MYO10: variants seen among roughly 807,000 people sequenced by gnomAD.
The protein encoded by MYO10 is unconventional myosin-X.
A neutral mutation model predicts 257.3 loss-of-function variants in MYO10; 133 were observed. That is an observed-to-expected ratio of 0.52 (90% CI 0.45 to 0.60). The LOEUF (loss-of-function observed/expected upper bound fraction) is 0.60. Ranked by LOEUF, MYO10 falls within the 20% of genes least tolerant of loss-of-function variation. The pLI is 0.00. For missense variants in MYO10, 2,399 were observed against 2,635.7 expected, an observed-to-expected ratio of 0.91 and a Z score of 1.97; for synonymous variants, 1,104 against 1,028.6, an observed-to-expected ratio of 1.07 and a Z score of -1.40.
chr5:16,777,577 A>G (rs1017548119), intron 9 of MYO10, among the ~76,000 whole-genome samples: 6 of 152,102 alleles, frequency 3.9e-5, no homozygotes, highest in Admixed American at 3.3e-4. Flanking sequence ...GTATTACTGC[A>G]TCGCGGTTTA....
chr5:16,840,538 C>T (rs897028157), intron 2 of MYO10, among the ~76,000 whole-genome samples: 1 of 152,070 alleles, frequency 6.6e-6, no homozygotes, highest in Non-Finnish European at 1.5e-5. Flanking sequence ...TTCTAAGAAG[C>T]CCTTGTGGAA....
Position 16,711,124 on chromosome 5 carries a change from T to C in MYO10, c.2051A>G (p.Lys684Arg). 1.2e-6 allele frequency: 2 copies of C among 1,613,900 alleles called. No homozygotes were observed. Among genetic ancestry groups the C allele is most frequent in the Non-Finnish European group, 1.7e-6 (2 of 1,179,816 alleles). ...ATCCAATTCAGCTCCCTCTTGCCTT[T>C]TGTAAAAGTCCTGAAAGGGTCTTCG... ...AVRRPFQDFYKRYKVLMRNLA... is the reference protein window; with the variant it reads ...AVRRPFQDFYRRYKVLMRNLA... Residue 684 changes from lysine to arginine, a missense_variant, in exon 20 of 41, where the codon AAA becomes AGA. Lys to Arg is a conservative substitution (Grantham distance 26, BLOSUM62 2). This residue lies in a region of MYO10 where 1,820 missense variants were observed against 1,939.4 expected (regional missense o/e 0.94). Transcript: ENST00000513610.
intron 19 of MYO10, among the ~76,000 whole-genome samples, chr5:16,730,071 A>T (rs1739522235): frequency 1.3e-5 from 2 of 152,122 alleles, no homozygotes; most frequent in Admixed American, 1.3e-4. Context: ...CTTTACTCAG[A>T]GATGTATCAC....
At chr5:16,780,821 C>A in intron 6 of MYO10, 80 bp from the exon 7 acceptor site, 11 of 1,358,378 alleles carry the variant, frequency 8.1e-6, no homozygotes, top group Admixed American at 2.3e-5. Flanking sequence ...ATTTTCTATT[C>A]TTTGGTGCTC....
rs138727865 is a variant in MYO10, at chr5:16,880,562, A to T, written c.22-2855T>A. On this transcript the variant is annotated intron_variant, in intron 1 of 40. Coordinates refer to ENST00000513610, the MANE Select transcript of MYO10 (RefSeq NM_012334.3). ...AAAGATGCTCCAAACAGGAGTTTAA[A>T]TCCTCTGCTATAAAGATGGAAAATA... is the stretch of plus-strand genomic sequence containing the variant. Among the ~76,000 whole-genome samples the T allele has an allele frequency of 3.6e-3, 554 of 152,310 alleles. 3 individuals are homozygous for T. Among genetic ancestry groups the T allele is most frequent in the Non-Finnish European group, 6.6e-3 (450 of 68,024 alleles).
At chr5:16,719,989 C>CGTGTGTGTGTGTGTGTGT (rs10526050) in intron 19 of MYO10, among the ~76,000 whole-genome samples, 3 of 143,438 alleles carry the variant, frequency 2.1e-5, no homozygotes, top group Admixed American at 7.0e-5. Flanking sequence ...TGTGTGCGTG[C>CGTGTGTGTGTGTGTGTGT]GTGTGTGTGT....
Position 16,673,723 on chromosome 5 carries a change from A to G in MYO10, c.5131T>C (p.Ser1711Pro). 6.2e-7 allele frequency: 1 copy of G among 1,613,894 alleles called. No individual in the cohort carries two copies. The highest frequency in any genetic ancestry group is 1.1e-5 in the South Asian group (1 of 91,066). Residue 1711 changes from serine to proline, a missense_variant, in exon 36 of 41, where the codon TCC (serine) becomes CCC (proline). Ser to Pro is a moderately conservative substitution (Grantham distance 74). Transcript: ENST00000513610. ...TSTVYCHGGG[S>P]CKITINSHTT... ...TGGGAGTTGATGGTGATCTTGCAGG[A>G]GCCGCCGCCATGGCAATAGACCGTG...
At chr5:16,685,948 T>G (rs1029407762) in intron 28 of MYO10, 117 bp from the exon 29 acceptor site, 3 of 727,812 alleles carry the variant, frequency 4.1e-6, no homozygotes, top group Admixed American at 2.2e-5. Context: ...TGCTTTTAAT[T>G]TGATTACTTC....
intron 2 of MYO10, among the ~76,000 whole-genome samples, chr5:16,868,299 G>A (rs554354065): frequency 5.3e-5 from 8 of 152,238 alleles, no homozygotes; most frequent in Admixed American, 3.9e-4. Flanking sequence ...GCAGAACCAT[G>A]GTGCTTTTAA....
chr5:16,685,271 C>T (rs764459324), intron 29 of MYO10, among the ~76,000 whole-genome samples: 9 of 152,070 alleles, frequency 5.9e-5, no homozygotes, highest in African/African-American at 1.9e-4. Flanking sequence ...AGTTCAGTGG[C>T]GCAATCATAG....
At chr5:16,865,138 G>A (rs1190479582) in intron 2 of MYO10, among the ~76,000 whole-genome samples, 2 of 151,710 alleles carry the variant, frequency 1.3e-5, no homozygotes, top group African/African-American at 2.4e-5. Context: ...ATAACAGATG[G>A]AGCACTATTA....
In MYO10 at chr5:16,701,893, T is replaced by C. The variant is rs941312231; in HGVS notation, c.2557-55A>G. Reference sequence around the variant, plus strand: ...AGGCTTCAGTACAAAAGTCCAAGCATAGCTCCCGCTTTGCAACCAGGATGA... The same window carrying C: ...AGGCTTCAGTACAAAAGTCCAAGCACAGCTCCCGCTTTGCAACCAGGATGA... On this transcript the variant is annotated intron_variant, in intron 24 of 40. Coordinates refer to ENST00000513610, the MANE Select transcript of MYO10 (RefSeq NM_012334.3). This position sits in a 1 kb window ranked among gnomAD's most constrained non-coding sequence, Gnocchi z 8.1. 3 of 1,525,556 alleles carry C rather than the reference T, an allele frequency of 2.0e-6. No homozygotes were observed. Among genetic ancestry groups the C allele is most frequent in the South Asian group, 1.3e-5 (1 of 75,176 alleles). 94.5% of individuals were successfully genotyped at this position (1,525,556 alleles called of 1,614,324 possible). A position where few individuals can be genotyped will look rare whatever the true frequency, so the allele number is the denominator to read the frequency against.
At chr5:16,760,312 A>G (rs1043717736) in intron 17 of MYO10, among the ~76,000 whole-genome samples, 1 of 150,282 alleles carries the variant, frequency 6.7e-6, no homozygotes, top group Non-Finnish European at 1.5e-5. Flanking sequence ...AAAAAAAAAA[A>G]TAGCCAGGCG....
chr5:16,807,378 C>T (rs545426194), intron 3 of MYO10, among the ~76,000 whole-genome samples: 8 of 152,284 alleles, frequency 5.3e-5, no homozygotes, highest in African/African-American at 1.9e-4. Context: ...ATTCAGCTTA[C>T]TTGGCCCCCA....
intron 19 of MYO10, among the ~76,000 whole-genome samples, chr5:16,720,418 CTATTTTATTTT>C (rs1739106034): frequency 6.6e-6 from 1 of 151,966 alleles, no homozygotes; most frequent in Non-Finnish European, 1.5e-5. Flanking sequence ...TACTTTTCCA[CTATTTTATTTT>C]TATTTTATTT....
chr5:16,787,098 G>T (rs1003160847), intron 4 of MYO10, among the ~76,000 whole-genome samples: 3 of 152,190 alleles, frequency 2.0e-5, no homozygotes, highest in Admixed American at 6.5e-5. Context: ...GAATCCGGGA[G>T]GCGGAGGTTG....
chr5:16,825,953 GC>G (rs911961067), intron 2 of MYO10, among the ~76,000 whole-genome samples: 1 of 152,100 alleles, frequency 6.6e-6, no homozygotes. Flanking sequence ...ATCGAGACCA[GC>G]CTGGTCAACA....
chr5:16,663,991 T>C lies in MYO10; in HGVS notation c.*2701A>G, dbSNP rs1284427411. 6.6e-6 allele frequency: 1 copy of C among 151,808 alleles called. No homozygotes were observed. The highest frequency in any genetic ancestry group is 1.5e-5 in the Non-Finnish European group (1 of 67,960). The allele number at this position is 151,808 out of a possible 1,614,324, so 9.4% of individuals were successfully genotyped here. On this transcript the variant is annotated 3_prime_UTR_variant, in exon 41 of 41. Transcript: ENST00000513610. The stretch of plus-strand genomic sequence containing the variant: ...AAGCAACTGACATCACACACACCAA[T>C]GAGTGCATGTAAAAGCAGTAAAATT...
At position 16,800,086 on chromosome 5, in the gene MYO10, T is replaced by C. The variant is rs983585290; in HGVS notation, c.280-5253A>G. Among the ~76,000 whole-genome samples, 37 of 152,208 alleles carry C rather than the reference T, an allele frequency of 2.4e-4. 1 individual carries two copies. The highest frequency in any genetic ancestry group is 2.1e-4 in the South Asian group (1 of 4,828). On this transcript the variant is annotated intron_variant, in intron 3 of 40. Transcript: ENST00000513610. ...CAAAACCATCCAGCTGGTTTAGTTA[T>C]AGAAGATGTTAATCATGGCCAATGA... is the stretch of plus-strand genomic sequence containing the variant.
Sources: gnomAD v4.1 joint callset for allele counts (sites outside exome capture counted in the v4.1 genomes callset) on GRCh38, gnomAD v4.1.1 for gene constraint, gnomAD v4.1.1 regional missense constraint, Gnocchi (gnomAD v3.1) non-coding constraint, MANE v1.5 for transcripts, NCBI Gene and HGNC (gene_info 2026-07-23, HGNC 2026-07-21) for gene names.